Variants in CYP19A1 observed in about 807,000 individuals in gnomAD.
CYP19A1 encodes aromatase.
In CYP19A1, 32 loss-of-function variants were observed where a neutral mutation model predicts 44.4. The observed-to-expected ratio is 0.72, with a 90% CI of 0.54 to 0.97. CYP19A1 has a LOEUF of 0.97. Ranked by LOEUF, CYP19A1 falls within the 50% of genes least tolerant of loss-of-function variation. CYP19A1 has a pLI of 0.00. For missense variants in CYP19A1, 598 were observed against 637.8 expected (o/e 0.94, Z 0.67); for synonymous variants, 212 against 215.6 (o/e 0.98, Z 0.14).
chr15:51,212,519 A>T lies in CYP19A1; in HGVS notation c.1064T>A (p.Val355Glu). 1 of 1,545,188 alleles carries T rather than the reference A, an allele frequency of 6.5e-7. No homozygotes were observed. The highest frequency in any genetic ancestry group is 1.7e-4 in the Middle Eastern group (1 of 5,914). Residue 355 changes from valine to glutamate, a missense_variant, in exon 9 of 10, where the codon GTG (valine) becomes GAG (glutamate). By Grantham distance (121) the Val-to-Glu change is moderately radical. Coordinates refer to ENST00000396402, the MANE Select transcript of CYP19A1 (RefSeq NM_000103.4). ...IKIDDIQKLK[V>E]MENFIYESMR... is the part of the protein sequence containing the mutation. ...GCTCTCATAAATGAAGTTTTCCATC[A>T]CTTTTAATTTTTGTATATCATCAAT... is the stretch of plus-strand genomic sequence containing the variant.
At chr15:51,304,911 T>C (rs1232794203) in intron 1 of CYP19A1, among the ~76,000 whole-genome samples, 4 of 144,076 alleles carry the variant, frequency 2.8e-5, no homozygotes, top group Non-Finnish European at 6.0e-5. Context: ...TTTTTTTTTT[T>C]TTTTTGAGAC....
intron 2 of CYP19A1, 88 bp downstream of exon 2, chr15:51,242,680 T>G (rs1298879492): frequency 2.4e-6 from 2 of 822,376 alleles, no homozygotes; most frequent in East Asian, 2.6e-5. Context: ...GTTTGCTTTT[T>G]GTCCTTTTGC....
intron 1 of CYP19A1, among the ~76,000 whole-genome samples, chr15:51,266,615 G>C (rs1416731046): frequency 2.0e-5 from 3 of 152,218 alleles, no homozygotes; most frequent in Non-Finnish European, 4.4e-5. Flanking sequence ...AAATTCCATG[G>C]GTTTACTTCA....
intron 1 of CYP19A1, among the ~76,000 whole-genome samples, chr15:51,260,406 G>A (rs1400047981): frequency 1.3e-5 from 2 of 152,216 alleles, no homozygotes; most frequent in African/African-American, 4.8e-5. Flanking sequence ...AAAAACGTCT[G>A]GTTCCTTTTA....
chr15:51,338,240 G>A (rs1372956102), intron 1 of CYP19A1, among the ~76,000 whole-genome samples: 2 of 152,210 alleles, frequency 1.3e-5, no homozygotes, highest in African/African-American at 4.8e-5. Flanking sequence ...GGCCAGTTCT[G>A]TGGCATAGAA....
intron 1 of CYP19A1, among the ~76,000 whole-genome samples, chr15:51,337,068 T>G (rs80209677): frequency 0.036 from 5,496 of 152,268 alleles, 311 homozygotes; most frequent in African/African-American, 0.13. Flanking sequence ...GCCATGGTAT[T>G]CAGACGAGAA....
At chr15:51,221,659 A>G (rs185090919) in intron 5 of CYP19A1, 2 of 152,294 alleles carry the variant, frequency 1.3e-5, no homozygotes, top group African/African-American at 4.8e-5. Flanking sequence ...CCAAAATAAA[A>G]TCAAGTTCTA....
intron 4 of CYP19A1, among the ~76,000 whole-genome samples, chr15:51,225,339 A>C (rs2032482204): frequency 6.6e-6 from 1 of 152,238 alleles, no homozygotes; most frequent in African/African-American, 2.4e-5. Flanking sequence ...ACTACTAAAT[A>C]CTAGTTCACA....
intron 1 of CYP19A1, among the ~76,000 whole-genome samples, chr15:51,316,998 G>A (rs886320873): frequency 6.6e-6 from 1 of 152,182 alleles, no homozygotes; most frequent in Non-Finnish European, 1.5e-5. Context: ...AAGAGTGCTG[G>A]TGTGGCAAGA....
intron 1 of CYP19A1, among the ~76,000 whole-genome samples, chr15:51,322,311 C>A (rs1350711044): frequency 1.3e-5 from 2 of 152,220 alleles, no homozygotes; most frequent in Non-Finnish European, 2.9e-5. Flanking sequence ...AACAAGCAGC[C>A]AGTGGAGGCT....
At chr15:51,313,831 G>C (rs1421474625) in intron 1 of CYP19A1, among the ~76,000 whole-genome samples, 2 of 151,740 alleles carry the variant, frequency 1.3e-5, no homozygotes, top group East Asian at 3.9e-4. Flanking sequence ...GATCACACAA[G>C]AGCAGGTTGG....
intron 1 of CYP19A1, among the ~76,000 whole-genome samples, chr15:51,262,427 G>A (rs2034762885): frequency 6.6e-6 from 1 of 152,126 alleles, no homozygotes; most frequent in Non-Finnish European, 1.5e-5. Context: ...CCCCAGCTGA[G>A]GTGGTCTCAG....
intron 3 of CYP19A1, among the ~76,000 whole-genome samples, chr15:51,230,617 C>CTTTTT (rs35011672): frequency 3.2e-5 from 4 of 126,540 alleles, no homozygotes; most frequent in Admixed American, 8.2e-5. Context: ...TTGGTGCCTT[C>CTTTTT]TTTTTTTTTT....
intron 1 of CYP19A1, among the ~76,000 whole-genome samples, chr15:51,302,600 C>G (rs1046672595): frequency 6.6e-6 from 1 of 152,228 alleles, no homozygotes; most frequent in Non-Finnish European, 1.5e-5. Context: ...TTTTACCCTT[C>G]TCTGGCTTTC....
intron 1 of CYP19A1, among the ~76,000 whole-genome samples, chr15:51,265,715 A>T (rs1372059540): frequency 1.3e-5 from 2 of 152,218 alleles, no homozygotes; most frequent in Admixed American, 1.3e-4. Flanking sequence ...TTAAGAAAAA[A>T]ATCAGATCTG....
At chr15:51,215,296 G>A (rs1354578494) in intron 7 of CYP19A1, 64 bp from the exon 8 acceptor site, 1 of 1,608,920 alleles carries the variant, frequency 6.2e-7, no homozygotes, top group African/African-American at 1.3e-5. Flanking sequence ...AATGAGGGGA[G>A]GTGACACTCA....
intron 1 of CYP19A1, among the ~76,000 whole-genome samples, chr15:51,333,369 T>A (rs1196846533): frequency 6.6e-6 from 1 of 152,118 alleles, no homozygotes; most frequent in African/African-American, 2.4e-5. Flanking sequence ...GGAGTAGAGA[T>A]AGACTCAGCA....
At chr15:51,287,414 C>T (rs1489784471) in intron 1 of CYP19A1, among the ~76,000 whole-genome samples, 1 of 152,140 alleles carries the variant, frequency 6.6e-6, no homozygotes, top group Non-Finnish European at 1.5e-5. Flanking sequence ...GGAATTGGCC[C>T]GGAAACAGAG....
intron 2 of CYP19A1, among the ~76,000 whole-genome samples, chr15:51,239,731 C>T (rs1374317926): frequency 6.6e-6 from 1 of 152,142 alleles, no homozygotes; most frequent in Non-Finnish European, 1.5e-5. Flanking sequence ...ACACGAGGAG[C>T]TTCTGGAACA....
Sources: allele counts gnomAD v4.1 joint callset (sites outside exome capture counted in the v4.1 genomes callset), GRCh38; gene constraint gnomAD v4.1.1; transcripts MANE v1.5; gene names NCBI Gene and HGNC (gene_info 2026-07-23, HGNC 2026-07-21).